Variants in CAPN8 observed in about 807,000 individuals in gnomAD.
CAPN8 encodes calpain-8.
Under a neutral mutation model 80.9 loss-of-function variants are expected in CAPN8, and 87 were observed. That is an observed-to-expected ratio of 1.07 (90% CI 0.90 to 1.28). The LOEUF is 1.28. Ranked by LOEUF, CAPN8 falls within the 50% of genes most tolerant of loss-of-function variation. The probability of loss-of-function intolerance (pLI) is 0.00; values close to 1 mark genes in which losing one functional copy is unlikely to be tolerated. For missense variants in CAPN8, 757 were observed against 702.0 expected (o/e 1.08, Z -0.89); for synonymous variants, 299 against 273.8 (o/e 1.09, Z -0.91).
intron 13 of CAPN8, among the ~76,000 whole-genome samples, chr1:223,557,821 AAGGACTTCTCT>A (rs1458333722): frequency 6.6e-6 from 1 of 152,204 alleles, no homozygotes; most frequent in Non-Finnish European, 1.5e-5. Context: ...CTATTCTCTC[AAGGACTTCTCT>A]ATCTCGCACA....
chr1:223,612,674 G>T (rs1306119528), intron 10 of CAPN8, among the ~76,000 whole-genome samples: 2 of 152,058 alleles, frequency 1.3e-5, no homozygotes, highest in African/African-American at 4.8e-5. Flanking sequence ...AGTTTATTCT[G>T]CCCTTGGCTA....
chr1:223,609,149 G>T lies in CAPN8; in HGVS notation c.1535+4C>A, dbSNP rs1316073016. 8 of 398,282 alleles carry T rather than the reference G, an allele frequency of 2.0e-5. No individual in the cohort carries two copies. In the Admixed American group the frequency reaches 2.2e-4, roughly 11 times the overall value. 24.7% of individuals were successfully genotyped at this position (398,282 alleles called of 1,614,324 possible). On this transcript the variant is annotated splice_donor_region_variant and intron_variant, in intron 12 of 20. Transcript: ENST00000366872. Reference sequence around the variant, plus strand: ...TTCCCCACCACGGAGGGAAGGAGACGCACAGGGCCTGGGCCTTCTTCTCTG... The same window carrying T: ...TTCCCCACCACGGAGGGAAGGAGACTCACAGGGCCTGGGCCTTCTTCTCTG...
chr1:223,654,002 G>A (rs1004363299), intron 2 of CAPN8, among the ~76,000 whole-genome samples: 2 of 152,136 alleles, frequency 1.3e-5, no homozygotes, highest in Non-Finnish European at 2.9e-5. Flanking sequence ...TCTACTTAAA[G>A]GTAACTACAA....
At chr1:223,642,384 G>T (rs1025911987) in intron 2 of CAPN8, among the ~76,000 whole-genome samples, 1 of 152,086 alleles carries the variant, frequency 6.6e-6, no homozygotes, top group East Asian at 1.9e-4. Flanking sequence ...ATATAATAAG[G>T]CACACTAATC....
chr1:223,661,165 T>TAAA (rs60908710), intron 1 of CAPN8, among the ~76,000 whole-genome samples: 3 of 136,108 alleles, frequency 2.2e-5, no homozygotes, highest in South Asian at 2.3e-4. Context: ...GACCCTGTCT[T>TAAA]AAAAAAAAAA....
chr1:223,543,888 C>T (rs1361017549), intron 19 of CAPN8, among the ~76,000 whole-genome samples, 179 bp downstream of exon 19: 2 of 152,224 alleles, frequency 1.3e-5, no homozygotes. Flanking sequence ...ACTTCCTCAG[C>T]CCCTTCAGGT....
At chr1:223,657,184 G>A (rs1383368927) in intron 1 of CAPN8, among the ~76,000 whole-genome samples, 2 of 151,550 alleles carry the variant, frequency 1.3e-5, no homozygotes, top group South Asian at 2.1e-4. Flanking sequence ...AATCTCTGGC[G>A]GCAACTTAAA....
rs370490760 is a variant in CAPN8, at chr1:223,620,096, C to T, written c.974+96G>A. ...AATTCACCATGATCAGGAACCATGT[C>T]GCCTTCCTGGAAGACCCAGAGACCT... On this transcript the variant is annotated intron_variant, in intron 8 of 20. Coordinates refer to ENST00000366872, the MANE Select transcript of CAPN8 (RefSeq NM_001143962.2). 18 of 1,005,708 alleles carry T rather than the reference C, an allele frequency of 1.8e-5. No homozygotes were observed. The East Asian group carries it at 2.6e-4, about 15-fold the overall frequency. The allele number at this position is 1,005,708 out of a possible 1,614,324, so 62.3% of individuals were successfully genotyped here.
intron 15 of CAPN8, 156 bp from the exon 16 acceptor site, chr1:223,549,538 G>T (rs772751475): frequency 8.6e-7 from 1 of 1,156,730 alleles, no homozygotes; most frequent in South Asian, 1.3e-5. Flanking sequence ...AGGCTTGTGG[G>T]CAGATACGCC....
chr1:223,632,533 G>A (rs1195889222), intron 2 of CAPN8, among the ~76,000 whole-genome samples: 5 of 151,898 alleles, frequency 3.3e-5, no homozygotes, highest in Admixed American at 6.6e-5. Context: ...CCACCATGCC[G>A]AGCTATTTTT....
intron 16 of CAPN8, 95 bp downstream of exon 16, chr1:223,549,223 T>C (rs566000952): frequency 2.2e-5 from 32 of 1,484,784 alleles, no homozygotes; most frequent in South Asian, 1.0e-4. Flanking sequence ...TCTCATTTTT[T>C]ACCCGTCCCT....
intron 2 of CAPN8, among the ~76,000 whole-genome samples, chr1:223,652,049 G>A (rs1049203050): frequency 2.6e-5 from 4 of 152,118 alleles, no homozygotes; most frequent in Middle Eastern, 3.2e-3. Context: ...TTTTTATACT[G>A]TGTGTATTCA....
chr1:223,658,652 A>G (rs900349613), intron 1 of CAPN8, among the ~76,000 whole-genome samples: 7 of 152,140 alleles, frequency 4.6e-5, no homozygotes, highest in African/African-American at 1.7e-4. Context: ...ATAAAAATGC[A>G]AAAACTAGCC....
chr1:223,629,943 A>T (rs1339623599), intron 2 of CAPN8, among the ~76,000 whole-genome samples: 1 of 152,172 alleles, frequency 6.6e-6, no homozygotes, highest in East Asian at 1.9e-4. Flanking sequence ...GTGTGTTCAG[A>T]TGGAAGGCCC....
chr1:223,621,577 C>T (rs1327248420), intron 7 of CAPN8, among the ~76,000 whole-genome samples: 1 of 152,078 alleles, frequency 6.6e-6, no homozygotes, highest in Non-Finnish European at 1.5e-5. Context: ...GGGTTTTGCT[C>T]AATCTTACAC....
At chr1:223,555,680 T>C (rs1025824407) in intron 13 of CAPN8, among the ~76,000 whole-genome samples, 6 of 152,112 alleles carry the variant, frequency 3.9e-5, no homozygotes, top group Non-Finnish European at 8.8e-5. Flanking sequence ...TAAAATTGCA[T>C]ATAAAAACTA....
Position 223,630,924 on chromosome 1 carries a change from G to T in CAPN8, c.308-2144C>A, listed in dbSNP as rs111846999. On this transcript the variant is annotated intron_variant, in intron 2 of 20. Transcript: ENST00000366872. Reference sequence around the variant, plus strand: ...TCCTCCTCCCACCCAGCTCCTCTCAGCCCATTTTTCTTCTATGAACACCTG... The same window carrying T: ...TCCTCCTCCCACCCAGCTCCTCTCATCCCATTTTTCTTCTATGAACACCTG... 6.3e-3 allele frequency among the ~76,000 whole-genome samples: 964 copies of T among 152,190 alleles called. 15 individuals are homozygous for T. The highest frequency in any genetic ancestry group is 0.021 in the African/African-American group (856 of 41,522).
chr1:223,620,225 TCTTC>T lies in CAPN8; in HGVS notation c.937_940del (p.Glu313AsnfsTer19). 6.4e-7 allele frequency: 1 copy of T among 1,551,684 alleles called. No individual in the cohort carries two copies. On this transcript the variant is annotated frameshift_variant, in exon 8 of 21. Transcript: ENST00000366872. LOFTEE classifies it high-confidence loss of function. ...TCCATCCTCAACTTTCTTGTCCAGT[TCTTC>T]CTTCCGCCGGGGGTCTATGTGATTC...
At chr1:223,654,207 C>A in intron 2 of CAPN8, 123 bp downstream of exon 2, 1 of 807,134 alleles carries the variant, frequency 1.2e-6, no homozygotes. Context: ...AACACAAACC[C>A]AGACGGACAC....
Sources: gnomAD v4.1 joint callset for allele counts (sites outside exome capture counted in the v4.1 genomes callset) on GRCh38, gnomAD v4.1.1 for gene constraint, MANE v1.5 for transcripts, NCBI Gene and HGNC (gene_info 2026-07-23, HGNC 2026-07-21) for gene names.